FSTL5: variants seen among roughly 807,000 people sequenced by gnomAD.
The protein encoded by FSTL5 is follistatin-related protein 5.
In FSTL5, 62 loss-of-function variants were observed where a neutral mutation model predicts 89.1. The observed-to-expected ratio is 0.70, with a 90% CI of 0.57 to 0.86. The LOEUF is 0.86. FSTL5 is among the 40% of genes least tolerant of loss of function. The pLI, the probability that FSTL5 is intolerant of heterozygous loss-of-function variation, is 0.00. For missense variants in FSTL5, 1,057 were observed against 1,001.6 expected, an observed-to-expected ratio of 1.06 and a Z score of -0.75; for synonymous variants, 383 against 346.2, an observed-to-expected ratio of 1.11 and a Z score of -1.18.
At chr4:161,964,554 G>C (rs1735270858) in intron 3 of FSTL5, among the ~76,000 whole-genome samples, 1 of 151,810 alleles carries the variant, frequency 6.6e-6, no homozygotes, top group Non-Finnish European at 1.5e-5. Flanking sequence ...TAGCGGAGTG[G>C]GAGATTTAAT....
intron 1 of FSTL5, among the ~76,000 whole-genome samples, chr4:162,157,314 G>A (rs919850170): frequency 6.6e-6 from 1 of 151,730 alleles, no homozygotes; most frequent in African/African-American, 2.4e-5. Context: ...CTGACTGCCA[G>A]AAAAAAAATA....
chr4:161,428,114 C>T (rs141689619), intron 15 of FSTL5, among the ~76,000 whole-genome samples: 42 of 152,210 alleles, frequency 2.8e-4, no homozygotes, highest in African/African-American at 9.9e-4. Context: ...CAATGGAACT[C>T]AGTGCTGCTC....
intron 2 of FSTL5, among the ~76,000 whole-genome samples, chr4:162,109,659 A>C (rs1040313243): frequency 2.6e-5 from 4 of 152,046 alleles, no homozygotes; most frequent in Non-Finnish European, 5.9e-5. Flanking sequence ...TTTGTTTATA[A>C]AGGTATATAC....
chr4:161,902,564 T>C (rs1024052108), intron 4 of FSTL5, among the ~76,000 whole-genome samples: 4 of 152,092 alleles, frequency 2.6e-5, no homozygotes, highest in Non-Finnish European at 4.4e-5. Flanking sequence ...AAAAATAATT[T>C]CCACCGGGCA....
intron 4 of FSTL5, among the ~76,000 whole-genome samples, chr4:161,860,166 T>C (rs956584651): frequency 6.6e-6 from 1 of 151,990 alleles, no homozygotes; most frequent in Non-Finnish European, 1.5e-5. Flanking sequence ...CGGGCGCCTG[T>C]AGTCCCAGCT....
intron 3 of FSTL5, among the ~76,000 whole-genome samples, chr4:161,925,664 G>C (rs1007876542): frequency 6.6e-6 from 1 of 151,828 alleles, no homozygotes; most frequent in African/African-American, 2.4e-5. Context: ...TCCTGGCATA[G>C]AGTATCTGCT....
intron 8 of FSTL5, among the ~76,000 whole-genome samples, chr4:161,577,912 A>C (rs72687556): frequency 0.012 from 1,800 of 152,320 alleles, 20 homozygotes; most frequent in Non-Finnish European, 0.019. Flanking sequence ...CTCATACTGC[A>C]TATCAGAAGG....
intron 4 of FSTL5, among the ~76,000 whole-genome samples, chr4:161,849,759 GA>G (rs1409827561): frequency 2.0e-5 from 3 of 152,228 alleles, no homozygotes; most frequent in Admixed American, 6.5e-5. Flanking sequence ...TGAAAAATAT[GA>G]AGTCCTAATG....
At chr4:162,104,423 AGC>A in intron 2 of FSTL5, among the ~76,000 whole-genome samples, 1 of 152,180 alleles carries the variant, frequency 6.6e-6, no homozygotes. Context: ...CCATCTTGGA[AGC>A]GGCCCGCCAC....
At chr4:161,508,478 G>A (rs1730550679) in intron 11 of FSTL5, among the ~76,000 whole-genome samples, 1 of 152,062 alleles carries the variant, frequency 6.6e-6, no homozygotes, top group South Asian at 2.1e-4. Flanking sequence ...CATTTTATAT[G>A]TCAAATGAAA....
intron 4 of FSTL5, among the ~76,000 whole-genome samples, chr4:161,861,424 GA>G (rs1306990557): frequency 6.6e-6 from 1 of 151,266 alleles, no homozygotes; most frequent in African/African-American, 2.4e-5. Flanking sequence ...TTCAAAGAAA[GA>G]AAGAGAGAGA....
rs560226876 is a variant in FSTL5, at chr4:161,895,808, A to T, written c.409+24596T>A. 1.1e-4 allele frequency among the ~76,000 whole-genome samples: 17 copies of T among 152,284 alleles called. No homozygotes were observed. The East Asian group carries it at 1.7e-3, about 16-fold the overall frequency. On this transcript the variant is annotated intron_variant, in intron 4 of 15. Coordinates refer to ENST00000306100, the MANE Select transcript of FSTL5 (RefSeq NM_020116.5). Reference sequence around the variant, plus strand: ...GTATTTTTGCATGTGTTAGTGAGTGATTAGAAGACCACTGGTTTCTAGGTG... The same window carrying T: ...GTATTTTTGCATGTGTTAGTGAGTGTTTAGAAGACCACTGGTTTCTAGGTG...
chr4:161,640,272 T>C (rs191205347), intron 7 of FSTL5, among the ~76,000 whole-genome samples: 1 of 152,226 alleles, frequency 6.6e-6, no homozygotes, highest in South Asian at 2.1e-4. Context: ...AACATGTATA[T>C]GAAGAAATGG....
intron 6 of FSTL5, among the ~76,000 whole-genome samples, chr4:161,702,711 C>G (rs1738437815): frequency 6.6e-6 from 1 of 152,136 alleles, no homozygotes; most frequent in Non-Finnish European, 1.5e-5. Context: ...CCCAGATGCA[C>G]TTTAGTGTTC....
chr4:161,825,690 T>C (rs369933568), intron 4 of FSTL5, among the ~76,000 whole-genome samples: 1 of 152,190 alleles, frequency 6.6e-6, no homozygotes, highest in African/African-American at 2.4e-5. Context: ...ATGTTCTTAG[T>C]AGCCTTGAAT....
intron 4 of FSTL5, among the ~76,000 whole-genome samples, chr4:161,859,555 TA>T (rs201347252): frequency 6.6e-6 from 1 of 152,104 alleles, no homozygotes; most frequent in African/African-American, 2.4e-5. Flanking sequence ...TTTCAATATT[TA>T]AAAAAATATA....
chr4:162,136,281 G>A (rs139913991), intron 1 of FSTL5, among the ~76,000 whole-genome samples: 227 of 152,126 alleles, frequency 1.5e-3, no homozygotes, highest in African/African-American at 4.7e-3. Context: ...TAGTCATACC[G>A]AAGTGGGCAA....
intron 3 of FSTL5, among the ~76,000 whole-genome samples, chr4:161,991,016 T>TA (rs1295862793): frequency 4.6e-5 from 7 of 151,968 alleles, no homozygotes; most frequent in Non-Finnish European, 8.8e-5. Flanking sequence ...AGACTTGGAT[T>TA]AAAAAAAATT....
chr4:161,698,319 T>C (rs1391502963), intron 6 of FSTL5, among the ~76,000 whole-genome samples: 1 of 152,138 alleles, frequency 6.6e-6, no homozygotes, highest in East Asian at 1.9e-4. Flanking sequence ...AAAGTTGATC[T>C]CACAGAAATT....
Sources: allele counts gnomAD v4.1 joint callset (sites outside exome capture counted in the v4.1 genomes callset), GRCh38; gene constraint gnomAD v4.1.1; transcripts MANE v1.5; gene names NCBI Gene and HGNC (gene_info 2026-07-23, HGNC 2026-07-21).